The following SUPT3H variants were observed in gnomAD, a reference collection of about 807,000 sequenced individuals.
The protein encoded by SUPT3H is SPT3 homolog, SAGA and STAGA complex component.
A neutral mutation model predicts 44.3 loss-of-function variants in SUPT3H; 44 were observed. The ratio of observed to expected loss-of-function variants is 0.99; its 90% CI spans 0.78 to 1.28. The LOEUF (loss-of-function observed/expected upper bound fraction) is 1.28, where lower values mean the gene tolerates loss of function less well. Ranked by LOEUF, SUPT3H falls within the 50% of genes most tolerant of loss-of-function variation. The pLI is 0.00. For synonymous variants in SUPT3H, 124 were observed against 125.6 expected (o/e 0.99, Z 0.09); for missense variants, 380 against 387.1 (o/e 0.98, Z 0.15).
chr6:45,318,210 G>A (rs1784983286), intron 2 of SUPT3H, among the ~76,000 whole-genome samples: 1 of 152,064 alleles, frequency 6.6e-6, no homozygotes, highest in Non-Finnish European at 1.5e-5. Context: ...TTACATACAT[G>A]TATCAGTAAA....
chr6:45,234,005 A>G (rs1395492448), intron 2 of SUPT3H, among the ~76,000 whole-genome samples: 3 of 152,198 alleles, frequency 2.0e-5, no homozygotes, highest in Non-Finnish European at 2.9e-5. Context: ...CTTACTGTCT[A>G]AAAAATAGTC....
chr6:45,059,950 A>G (rs543330370), intron 3 of SUPT3H, among the ~76,000 whole-genome samples: 22 of 152,294 alleles, frequency 1.4e-4, no homozygotes, highest in African/African-American at 5.3e-4. Flanking sequence ...TACAGAGGAC[A>G]TAAACAAATG....
At chr6:45,150,168 A>C (rs1039715230) in intron 2 of SUPT3H, among the ~76,000 whole-genome samples, 8 of 152,160 alleles carry the variant, frequency 5.3e-5, no homozygotes, top group Non-Finnish European at 1.2e-4. Context: ...GGAGCTACTC[A>C]TAAATCAAAA....
intron 2 of SUPT3H, among the ~76,000 whole-genome samples, chr6:45,284,801 G>C (rs1433549010): frequency 6.6e-6 from 1 of 152,020 alleles, no homozygotes; most frequent in Non-Finnish European, 1.5e-5. Context: ...AAAAAGAGAA[G>C]TTTAGACCAA....
chr6:45,221,967 G>A (rs894476854), intron 2 of SUPT3H, among the ~76,000 whole-genome samples: 1 of 151,970 alleles, frequency 6.6e-6, no homozygotes. Flanking sequence ...ACGCAGAAAT[G>A]GACCAAGCAA....
At chr6:44,864,551 C>T (rs897258896) in intron 10 of SUPT3H, among the ~76,000 whole-genome samples, 11 of 152,346 alleles carry the variant, frequency 7.2e-5, no homozygotes, top group South Asian at 2.1e-4. Flanking sequence ...AGCAGAGGTT[C>T]CCAAACCCCA....
chr6:45,371,521 C>T (rs1003545864), intron 1 of SUPT3H, among the ~76,000 whole-genome samples: 1 of 151,790 alleles, frequency 6.6e-6, no homozygotes, highest in African/African-American at 2.4e-5. Flanking sequence ...TAGCAGATAA[C>T]CTGAAATATT....
chr6:45,158,295 TA>T (rs1388386333), intron 2 of SUPT3H, among the ~76,000 whole-genome samples: 9,500 of 32,142 alleles, frequency 0.3, 1,523 homozygotes, highest in African/African-American at 0.44. Flanking sequence ...TATATATATA[TA>T]TATTTTTTTT....
intron 3 of SUPT3H, among the ~76,000 whole-genome samples, chr6:45,081,752 A>C (rs1659327422): frequency 1.3e-5 from 2 of 152,162 alleles, no homozygotes; most frequent in South Asian, 4.1e-4. Flanking sequence ...TAAGAGTGGC[A>C]ATAAAAACAC....
intron 10 of SUPT3H, among the ~76,000 whole-genome samples, chr6:44,895,991 G>T (rs1221702627): frequency 6.6e-6 from 1 of 151,794 alleles, no homozygotes; most frequent in Non-Finnish European, 1.5e-5. Context: ...TTTGAAGGAG[G>T]GATTGTATAT....
At chr6:44,829,983 T>A in intron 10 of SUPT3H, 126 bp from the exon 11 acceptor site, 3 of 815,304 alleles carry the variant, frequency 3.7e-6, no homozygotes, top group South Asian at 3.3e-5. Context: ...ATAGAATGCT[T>A]AATCTGAATA....
chr6:44,847,375 A>C (rs1327426095), intron 10 of SUPT3H, among the ~76,000 whole-genome samples: 2 of 152,250 alleles, frequency 1.3e-5, no homozygotes, highest in Non-Finnish European at 1.5e-5. Context: ...AATTGTGAAA[A>C]CAGCACTTAC....
intron 2 of SUPT3H, chr6:45,323,109 T>A: frequency 3.6e-6 from 2 of 562,864 alleles, no homozygotes; most frequent in Non-Finnish European, 6.2e-6. Flanking sequence ...ATTTATATAC[T>A]GGAATGCTCA....
At chr6:44,906,258 A>C (rs1766053936) in intron 10 of SUPT3H, among the ~76,000 whole-genome samples, 1 of 152,180 alleles carries the variant, frequency 6.6e-6, no homozygotes, top group Admixed American at 6.5e-5. Flanking sequence ...GAATGCAAAG[A>C]GATTAGATAG....
At chr6:45,112,960 C>A (rs1458864783) in intron 2 of SUPT3H, among the ~76,000 whole-genome samples, 1 of 120,356 alleles carries the variant, frequency 8.3e-6, no homozygotes, top group African/African-American at 2.9e-5. Context: ...GGGAGCTAGT[C>A]ACTTTTTTTT....
intron 2 of SUPT3H, among the ~76,000 whole-genome samples, chr6:45,358,493 T>G (rs1793644087): frequency 1.3e-5 from 2 of 152,186 alleles, no homozygotes; most frequent in East Asian, 3.8e-4. Context: ...TTGCAAATAT[T>G]TCCCCCTATA....
intron 2 of SUPT3H, among the ~76,000 whole-genome samples, chr6:45,240,405 G>T (rs571072382): frequency 7.2e-5 from 11 of 152,072 alleles, no homozygotes; most frequent in African/African-American, 2.7e-4. Flanking sequence ...TATCAATCTT[G>T]GCTGGCAATA....
intron 3 of SUPT3H, among the ~76,000 whole-genome samples, chr6:45,082,645 T>C (rs530711114): frequency 1.3e-5 from 2 of 152,028 alleles, no homozygotes; most frequent in South Asian, 2.1e-4. Context: ...GGACATACTA[T>C]CATATCATAC....
intron 3 of SUPT3H, among the ~76,000 whole-genome samples, chr6:45,088,917 GT>G (rs1197339487): frequency 1.3e-5 from 2 of 152,014 alleles, no homozygotes; most frequent in Non-Finnish European, 2.9e-5. Flanking sequence ...AGCATAAGTA[GT>G]TGAAGCTAAA....
Sources: gnomAD v4.1 joint callset for allele counts (sites outside exome capture counted in the v4.1 genomes callset) on GRCh38, gnomAD v4.1.1 for gene constraint, MANE v1.5 for transcripts, NCBI Gene and HGNC (gene_info 2026-07-23, HGNC 2026-07-21) for gene names.